The following SPIRE1 variants were observed in gnomAD, a reference collection of about 807,000 sequenced individuals.
SPIRE1 encodes spire type actin nucleation factor 1.
In SPIRE1, 40 loss-of-function variants were observed where a neutral mutation model predicts 94.1. That is an observed-to-expected ratio of 0.43 (90% CI 0.33 to 0.55). SPIRE1 has a LOEUF of 0.55. Among genes scored for constraint, SPIRE1 ranks in the 20% least tolerant of loss-of-function variants. The pLI, the probability that SPIRE1 is intolerant of heterozygous loss-of-function variation, is 0.06. For missense variants in SPIRE1, 838 were observed against 975.2 expected (o/e 0.86, Z 1.87); for synonymous variants, 376 against 371.7 (o/e 1.01, Z -0.13).
chr18:12,652,087 CTG>C (rs1458091479), intron 1 of SPIRE1, among the ~76,000 whole-genome samples: 4 of 152,208 alleles, frequency 2.6e-5, no homozygotes, highest in African/African-American at 9.7e-5. Flanking sequence ...TCCTGAAAGA[CTG>C]TGAGACCACA....
At chr18:12,522,605 G>C (rs964941518) in intron 4 of SPIRE1, among the ~76,000 whole-genome samples, 2 of 152,206 alleles carry the variant, frequency 1.3e-5, no homozygotes, top group Non-Finnish European at 2.9e-5. Flanking sequence ...TAGCTAGAGA[G>C]AAATCAGTGC....
chr18:12,597,856 T>C (rs776017278), intron 2 of SPIRE1, among the ~76,000 whole-genome samples: 1 of 152,146 alleles, frequency 6.6e-6, no homozygotes, highest in Admixed American at 6.5e-5. Flanking sequence ...CATGACTGCA[T>C]AGCTGGGTGT....
intron 4 of SPIRE1, among the ~76,000 whole-genome samples, chr18:12,514,128 C>T (rs1318748336): frequency 6.6e-6 from 1 of 152,198 alleles, no homozygotes; most frequent in African/African-American, 2.4e-5. Context: ...CCTTGAGTCA[C>T]CACACTTTAC....
chr18:12,633,320 G>C (rs566159985), intron 2 of SPIRE1, among the ~76,000 whole-genome samples: 2 of 152,208 alleles, frequency 1.3e-5, no homozygotes, highest in Admixed American at 1.3e-4. Context: ...TGCAAAAATG[G>C]GCCGGGCACA....
At chr18:12,614,401 A>C (rs1487280182) in intron 2 of SPIRE1, among the ~76,000 whole-genome samples, 3 of 152,236 alleles carry the variant, frequency 2.0e-5, no homozygotes, top group African/African-American at 7.2e-5. Context: ...CAGACAGTGC[A>C]GCTCTAGATC....
rs770142274 is a variant in SPIRE1, at chr18:12,546,806, G to A, written c.471C>T (p.Ile157=). The A allele has an allele frequency of 1.2e-5, 20 of 1,613,806 alleles. No individual in the cohort carries two copies. Among genetic ancestry groups the A allele is most frequent in the South Asian group, 4.4e-5 (4 of 91,066 alleles). Reference sequence around the variant, plus strand: ...CTTCCACCGTGTTGGCCATGTGATCGATAAGCTGCTCTAGGGGAGGGCTTA... The same window carrying A: ...CTTCCACCGTGTTGGCCATGTGATCAATAAGCTGCTCTAGGGGAGGGCTTA... ...RELSPPLEQL[I]DHMANTVEAD... is the part of the protein sequence containing the mutation. The change falls in exon 3 of 17, where the codon ATC becomes ATT. Residue 157 remains isoleucine, a synonymous_variant. Transcript: ENST00000409402.
chr18:12,507,237 G>A (rs1402363043), intron 5 of SPIRE1, among the ~76,000 whole-genome samples: 5 of 152,134 alleles, frequency 3.3e-5, no homozygotes, highest in South Asian at 2.1e-4. Flanking sequence ...TTAGTTACAC[G>A]GTATTACTGT....
At chr18:12,523,820 T>C (rs1423588838) in intron 4 of SPIRE1, among the ~76,000 whole-genome samples, 2 of 152,142 alleles carry the variant, frequency 1.3e-5, no homozygotes, top group African/African-American at 4.8e-5. Flanking sequence ...AGTAGCTGGG[T>C]CTACAGGCAT....
intron 2 of SPIRE1, among the ~76,000 whole-genome samples, chr18:12,549,439 G>GGTTTTTTTT (rs2035275774): frequency 4.8e-5 from 2 of 41,248 alleles, no homozygotes; most frequent in Non-Finnish European, 7.7e-5. Context: ...TGTTATTGTT[G>GGTTTTTTTT]TTTTTTTTTT....
intron 2 of SPIRE1, chr18:12,588,393 A>T (rs1247262716): frequency 6.6e-6 from 1 of 152,340 alleles, no homozygotes. Flanking sequence ...AGTGGCTTTC[A>T]TATGTTATTT....
chr18:12,509,136 G>C (rs1448667396), intron 5 of SPIRE1, among the ~76,000 whole-genome samples: 2 of 152,174 alleles, frequency 1.3e-5, no homozygotes, highest in African/African-American at 2.4e-5. Context: ...TCCCATTAGG[G>C]AAATTCTGAA....
At chr18:12,520,204 TGTTA>T (rs1483735259) in intron 4 of SPIRE1, among the ~76,000 whole-genome samples, 1 of 152,146 alleles carries the variant, frequency 6.6e-6, no homozygotes, top group Non-Finnish European at 1.5e-5. Context: ...GATATGCGCT[TGTTA>T]GTTATACATA....
chr18:12,488,674 T>C (rs1463879446), intron 8 of SPIRE1, among the ~76,000 whole-genome samples: 5 of 152,186 alleles, frequency 3.3e-5, no homozygotes, highest in African/African-American at 4.8e-5. Context: ...GAATCATATG[T>C]AGATGTTTTT....
intron 2 of SPIRE1, among the ~76,000 whole-genome samples, chr18:12,590,485 G>A (rs1386633001): frequency 3.3e-5 from 5 of 152,160 alleles, no homozygotes; most frequent in African/African-American, 9.6e-5. Context: ...AAAGTTTTCG[G>A]GCCTAAAGAA....
At chr18:12,562,939 C>T (rs1181935878) in intron 2 of SPIRE1, among the ~76,000 whole-genome samples, 2 of 152,078 alleles carry the variant, frequency 1.3e-5, no homozygotes, top group Non-Finnish European at 2.9e-5. Context: ...CATTAAATTA[C>T]ATGATATTGG....
At position 12,617,792 on chromosome 18, in the gene SPIRE1, G is replaced by A. The variant is rs145618481; in HGVS notation, c.372+17270C>T. Reference sequence around the variant, plus strand: ...GCTGGTCTCAAACTCCTGACCTCAAGTGATCCACCAGCCTCAGCCTCCCAA... The same window carrying A: ...GCTGGTCTCAAACTCCTGACCTCAAATGATCCACCAGCCTCAGCCTCCCAA... On this transcript the variant is annotated intron_variant, in intron 2 of 16. Transcript: ENST00000409402. Among the ~76,000 whole-genome samples, 1,086 of 152,226 alleles carry A rather than the reference G, an allele frequency of 7.1e-3. 46 individuals carry two copies. The highest frequency in any genetic ancestry group is 0.06 in the Admixed American group (919 of 15,282).
intron 6 of SPIRE1, among the ~76,000 whole-genome samples, chr18:12,501,744 T>C (rs1230182836): frequency 6.6e-6 from 1 of 152,186 alleles, no homozygotes; most frequent in Non-Finnish European, 1.5e-5. Flanking sequence ...GAGGACTGCT[T>C]GAGCCCAGGA....
At chr18:12,467,230 A>ACG in intron 10 of SPIRE1, among the ~76,000 whole-genome samples, 1 of 152,248 alleles carries the variant, frequency 6.6e-6, no homozygotes. Context: ...GTGAGCCAGG[A>ACG]TCGTGCCACT....
intron 10 of SPIRE1, among the ~76,000 whole-genome samples, chr18:12,468,515 AT>A (rs1162764721): frequency 1.3e-5 from 2 of 152,026 alleles, no homozygotes; most frequent in Non-Finnish European, 2.9e-5. Flanking sequence ...TCCAAATTGG[AT>A]TTTTCCACCA....
Sources: allele counts gnomAD v4.1 joint callset (sites outside exome capture counted in the v4.1 genomes callset), GRCh38; gene constraint gnomAD v4.1.1; transcripts MANE v1.5; gene names NCBI Gene and HGNC (gene_info 2026-07-23, HGNC 2026-07-21).